ILRUN: variants seen among roughly 807,000 people sequenced by gnomAD.
The protein encoded by ILRUN is protein ILRUN.
In ILRUN, 3 loss-of-function variants were observed where a neutral mutation model predicts 33.8. The observed-to-expected ratio is 0.09, with a 90% CI of 0.04 to 0.23. The LOEUF is 0.23. ILRUN is among the 10% of genes least tolerant of loss of function. The probability of loss-of-function intolerance (pLI) is 1.00; values close to 1 mark genes in which losing one functional copy is unlikely to be tolerated. For synonymous variants in ILRUN, 124 were observed against 138.9 expected, an observed-to-expected ratio of 0.89 and a Z score of 0.75; for missense variants, 210 against 375.1, an observed-to-expected ratio of 0.56 and a Z score of 3.64.
intron 4 of ILRUN, among the ~76,000 whole-genome samples, chr6:34,602,659 T>C (rs1180998249): frequency 6.6e-6 from 1 of 152,168 alleles, no homozygotes; most frequent in African/African-American, 2.4e-5. Flanking sequence ...ATCTCACTGT[T>C]CACCTGGGAC....
intron 1 of ILRUN, among the ~76,000 whole-genome samples, chr6:34,667,139 G>C (rs2127375046): frequency 6.6e-6 from 1 of 152,282 alleles, no homozygotes. Flanking sequence ...CTTCCTTGAA[G>C]AAAGTTTGGT....
intron 1 of ILRUN, among the ~76,000 whole-genome samples, chr6:34,656,848 C>G (rs1198701135): frequency 6.6e-6 from 1 of 152,190 alleles, no homozygotes; most frequent in Admixed American, 6.5e-5. Flanking sequence ...ATACCAATGG[C>G]CTGCCTATGG....
chr6:34,602,407 T>C (rs1422578005), intron 4 of ILRUN, among the ~76,000 whole-genome samples: 3 of 152,210 alleles, frequency 2.0e-5, no homozygotes, highest in Non-Finnish European at 4.4e-5. Context: ...TACGTAACTT[T>C]AACAGGACTT....
chr6:34,680,654 C>T lies in ILRUN; in HGVS notation c.158+15792G>A, dbSNP rs145124652. 6.1e-3 allele frequency among the ~76,000 whole-genome samples: 927 copies of T among 152,090 alleles called. 10 individuals carry two copies. The highest frequency in any genetic ancestry group is 0.021 in the African/African-American group (885 of 41,522). On this transcript the variant is annotated intron_variant, in intron 1 of 4. Transcript: ENST00000374023. ...TTTTAGTAGAAACAAGGTTTCACCA[C>T]GTTGGCCAGGCTGGTCTCGAACTCC...
intron 3 of ILRUN, among the ~76,000 whole-genome samples, chr6:34,621,101 C>T (rs1762004647): frequency 6.6e-6 from 1 of 152,146 alleles, no homozygotes; most frequent in East Asian, 1.9e-4. Context: ...TATACAGAAT[C>T]TAAGAGTTTA....
At chr6:34,630,152 C>T (rs1762214739) in intron 3 of ILRUN, among the ~76,000 whole-genome samples, 2 of 152,268 alleles carry the variant, frequency 1.3e-5, no homozygotes, top group South Asian at 4.1e-4. Flanking sequence ...AAGTGACTAA[C>T]AAGTGAATAG....
intron 3 of ILRUN, among the ~76,000 whole-genome samples, chr6:34,610,902 T>C (rs1478649633): frequency 2.0e-5 from 3 of 151,982 alleles, no homozygotes; most frequent in African/African-American, 7.2e-5. Flanking sequence ...CCACCCCTTT[T>C]CTCCCTTTAG....
chr6:34,665,546 A>G (rs1270776474), intron 1 of ILRUN, among the ~76,000 whole-genome samples: 6 of 152,076 alleles, frequency 3.9e-5, no homozygotes, highest in African/African-American at 1.2e-4. Flanking sequence ...TCAGCCTCCC[A>G]AAGTGTTGGG....
At chr6:34,679,113 A>G (rs1763303224) in intron 1 of ILRUN, among the ~76,000 whole-genome samples, 2 of 150,916 alleles carry the variant, frequency 1.3e-5, no homozygotes, top group Admixed American at 6.7e-5. Context: ...ACAAACCTGC[A>G]CGTGTACCTC....
At chr6:34,691,336 G>A (rs1246450658) in intron 1 of ILRUN, among the ~76,000 whole-genome samples, 1 of 152,142 alleles carries the variant, frequency 6.6e-6, no homozygotes, top group African/African-American at 2.4e-5. Context: ...TAGATATTGG[G>A]TTTACTTTCA....
At chr6:34,656,761 T>G (rs1762778220) in intron 1 of ILRUN, among the ~76,000 whole-genome samples, 1 of 152,244 alleles carries the variant, frequency 6.6e-6, no homozygotes, top group South Asian at 2.1e-4. Context: ...AGGAAGGCTA[T>G]AATTAGAGCA....
intron 3 of ILRUN, among the ~76,000 whole-genome samples, chr6:34,638,918 G>A (rs115958891): frequency 4.6e-5 from 7 of 152,190 alleles, no homozygotes; most frequent in Non-Finnish European, 1.0e-4. Context: ...GAGAAATGTC[G>A]GGCAGAATAG....
intron 3 of ILRUN, among the ~76,000 whole-genome samples, chr6:34,635,598 A>C (rs949214021): frequency 6.7e-6 from 1 of 149,414 alleles, no homozygotes; most frequent in African/African-American, 2.5e-5. Flanking sequence ...GGAGGAAAAG[A>C]AACTCTTAGA....
rs538705998 is a variant in ILRUN, at chr6:34,649,167, T to C, written c.314-2369A>G. Among the ~76,000 whole-genome samples, 55 of 152,336 alleles carry C rather than the reference T, an allele frequency of 3.6e-4. 5 individuals are homozygous for C. Among genetic ancestry groups the C allele is most frequent in the Admixed American group, 2.7e-3 (41 of 15,302 alleles). Reference sequence around the variant, plus strand: ...ACAACTCTGAAGTGTTCATTGGCTATGAAGTGAAAAACCAATCATCTGCCT... The same window carrying C: ...ACAACTCTGAAGTGTTCATTGGCTACGAAGTGAAAAACCAATCATCTGCCT... On this transcript the variant is annotated intron_variant, in intron 2 of 4. Transcript: ENST00000374023.
At chr6:34,598,538 C>G (rs1231589288) in intron 4 of ILRUN, among the ~76,000 whole-genome samples, 1 of 152,048 alleles carries the variant, frequency 6.6e-6, no homozygotes, top group African/African-American at 2.4e-5. Context: ...GAGAATGGGC[C>G]CTTATAACCA....
At chr6:34,617,652 C>A (rs1031196989) in intron 3 of ILRUN, among the ~76,000 whole-genome samples, 1 of 152,162 alleles carries the variant, frequency 6.6e-6, no homozygotes, top group Non-Finnish European at 1.5e-5. Context: ...GAGGCTTAGA[C>A]CCCACCAGCA....
intron 3 of ILRUN, among the ~76,000 whole-genome samples, chr6:34,636,510 C>T (rs2127352519): frequency 6.6e-6 from 1 of 152,060 alleles, no homozygotes; most frequent in African/African-American, 2.4e-5. Context: ...TGGTGTCAAA[C>T]CATCGTTACA....
chr6:34,591,427 C>T (rs374916792), intron 4 of ILRUN, among the ~76,000 whole-genome samples: 6 of 152,028 alleles, frequency 3.9e-5, no homozygotes, highest in African/African-American at 1.4e-4. Flanking sequence ...CCTGGAAGGT[C>T]GAAGCTGCAA....
intron 1 of ILRUN, among the ~76,000 whole-genome samples, chr6:34,658,493 T>TC (rs1554187293): frequency 6.7e-6 from 1 of 149,596 alleles, no homozygotes; most frequent in Non-Finnish European, 1.5e-5. Flanking sequence ...TCTTTTTCTT[T>TC]TTTTTTTTTT....
Sources: allele counts gnomAD v4.1 joint callset (sites outside exome capture counted in the v4.1 genomes callset), GRCh38; gene constraint gnomAD v4.1.1; transcripts MANE v1.5; gene names NCBI Gene and HGNC (gene_info 2026-07-23, HGNC 2026-07-21).